MGAT4C: variants seen among roughly 807,000 people sequenced by gnomAD.
MGAT4C encodes the protein alpha-1,3-mannosyl-glycoprotein 4-beta-N-acetylglucosaminyltransferase C.
MGAT4C carries 19 observed loss-of-function variants against 40.1 expected under a neutral mutation model. The observed-to-expected ratio is 0.47, with a 90% CI of 0.33 to 0.70. The LOEUF is 0.70. Ranked by LOEUF, MGAT4C falls within the 30% of genes least tolerant of loss-of-function variation. The pLI, the probability that MGAT4C is intolerant of heterozygous loss-of-function variation, is 0.02. For missense variants in MGAT4C, 491 were observed against 563.2 expected (o/e 0.87, Z 1.30); for synonymous variants, 181 against 187.1 (o/e 0.97, Z 0.27).
intron 2 of MGAT4C, among the ~76,000 whole-genome samples, chr12:86,583,608 T>C (rs568501991): frequency 6.6e-6 from 1 of 151,274 alleles, no homozygotes; most frequent in Admixed American, 6.6e-5. Flanking sequence ...AAAGTTTAAC[T>C]ATTCCTTTAT....
chr12:86,016,985 AGTT>A (rs1889145892), intron 2 of MGAT4C, among the ~76,000 whole-genome samples: 1 of 152,106 alleles, frequency 6.6e-6, no homozygotes, highest in Non-Finnish European at 1.5e-5. Flanking sequence ...TTCAGTCAAA[AGTT>A]GTTGTTCACT....
At chr12:86,359,694 T>G (rs1328387319) in intron 3 of MGAT4C, among the ~76,000 whole-genome samples, 1 of 152,190 alleles carries the variant, frequency 6.6e-6, no homozygotes, top group African/African-American at 2.4e-5. Flanking sequence ...CAGAGAATAC[T>G]ATAAACACGT....
intron 2 of MGAT4C, among the ~76,000 whole-genome samples, chr12:86,047,894 G>T (rs1447036599): frequency 6.6e-6 from 1 of 151,742 alleles, no homozygotes; most frequent in African/African-American, 2.4e-5. Context: ...TCGCCTCAAA[G>T]AATTTTCATA....
upstream of MGAT4C, among the ~76,000 whole-genome samples, chr12:86,260,484 T>A (rs1170308689): frequency 6.6e-6 from 1 of 152,172 alleles, no homozygotes; most frequent in Non-Finnish European, 1.5e-5. Context: ...TTTATCAAAG[T>A]TAACATTGAA....
Position 86,304,127 on chromosome 12 carries a change from T to C in MGAT4C, c.-57+29938A>G, listed in dbSNP as rs1200331967. Among the ~76,000 whole-genome samples, 4 of 150,750 alleles carry C rather than the reference T, an allele frequency of 2.7e-5. 1 individual carries two copies. The East Asian group carries it at 7.8e-4, about 29-fold the overall frequency. Reference sequence around the variant, plus strand: ...TAAATTTCCATTTGAAATGAGAAAGTGGCTTTTCTAGAACTATAATTAATA... The same window carrying C: ...TAAATTTCCATTTGAAATGAGAAAGCGGCTTTTCTAGAACTATAATTAATA... On this transcript the variant is annotated intron_variant, in intron 4 of 7. Transcript: ENST00000548651.
chr12:86,105,263 C>A (rs150901163), intron 1 of MGAT4C, among the ~76,000 whole-genome samples: 70 of 152,086 alleles, frequency 4.6e-4, no homozygotes, highest in African/African-American at 1.7e-3. Flanking sequence ...TTTATAAACT[C>A]TGGGGTGAAG....
chr12:86,574,688 T>C (rs956536946), intron 2 of MGAT4C, among the ~76,000 whole-genome samples: 3 of 151,838 alleles, frequency 2.0e-5, no homozygotes, highest in African/African-American at 7.2e-5. Flanking sequence ...GATTAAAAAT[T>C]ATTCCTCATT....
At chr12:86,020,042 G>C (rs1236886614) in intron 2 of MGAT4C, among the ~76,000 whole-genome samples, 1 of 152,130 alleles carries the variant, frequency 6.6e-6, no homozygotes, top group Non-Finnish European at 1.5e-5. Context: ...CATTGATTTT[G>C]TATCCTGAGA....
intron 2 of MGAT4C, among the ~76,000 whole-genome samples, chr12:86,630,747 G>T (rs1565893906): frequency 1.3e-5 from 2 of 152,064 alleles, no homozygotes; most frequent in South Asian, 4.2e-4. Context: ...TTGATGGATT[G>T]TATCTCAAAA....
chr12:86,244,753 C>T (rs1044706194), intron 1 of MGAT4C, among the ~76,000 whole-genome samples: 1 of 152,124 alleles, frequency 6.6e-6, no homozygotes, highest in African/African-American at 2.4e-5. Flanking sequence ...GAAGAAACCC[C>T]AAACACCACC....
At chr12:86,158,191 T>G (rs1885183909) in intron 1 of MGAT4C, among the ~76,000 whole-genome samples, 1 of 152,154 alleles carries the variant, frequency 6.6e-6, no homozygotes, top group Non-Finnish European at 1.5e-5. Flanking sequence ...TCTGTGAGTT[T>G]CCAGAGCACA....
At chr12:86,155,485 T>A (rs1234763220) in intron 1 of MGAT4C, among the ~76,000 whole-genome samples, 2 of 152,144 alleles carry the variant, frequency 1.3e-5, no homozygotes. Flanking sequence ...AGGACATGAT[T>A]ATGGTAGTCT....
intron 1 of MGAT4C, among the ~76,000 whole-genome samples, chr12:86,121,289 T>C (rs919018694): frequency 6.6e-6 from 1 of 152,020 alleles, no homozygotes; most frequent in Non-Finnish European, 1.5e-5. Flanking sequence ...CTGAAAGTGA[T>C]GGGGAGAATG....
chr12:86,170,142 A>C lies in MGAT4C; in HGVS notation c.-57+86097T>G, dbSNP rs374662650. On this transcript the variant is annotated intron_variant, in intron 1 of 4. Coordinates refer to ENST00000611864, the MANE Select transcript of MGAT4C (RefSeq NM_001351288.2). Reference sequence around the variant, plus strand: ...GACAGTATGATTAGTTGTTGGGCTAAAGGTTTCTTATATGAACAGAGTTTT... The same window carrying C: ...GACAGTATGATTAGTTGTTGGGCTACAGGTTTCTTATATGAACAGAGTTTT... Among the ~76,000 whole-genome samples, 4 of 152,184 alleles carry C rather than the reference A, an allele frequency of 2.6e-5. No homozygotes were observed. The East Asian group carries it at 7.7e-4, about 29-fold the overall frequency.
intron 1 of MGAT4C, among the ~76,000 whole-genome samples, chr12:86,751,105 C>T (rs773887223): frequency 1.3e-5 from 2 of 151,904 alleles, no homozygotes; most frequent in Non-Finnish European, 2.9e-5. Context: ...AGGAGAGGAA[C>T]CAATGGAGGG....
rs1176731449 is a variant in MGAT4C, at chr12:86,586,072, G to T, written c.-229+141137C>A. Among the ~76,000 whole-genome samples, 6 of 146,082 alleles carry T rather than the reference G, an allele frequency of 4.1e-5. No homozygotes were observed. In the East Asian group the frequency reaches 1.3e-3, roughly 31 times the overall value. On this transcript the variant is annotated intron_variant, in intron 2 of 7. Transcript: ENST00000548651. ...CCATTAACTCCTCATTTAGCATTAG[G>T]TATATCTCCTAAAGCTATCCCTCCC...
chr12:86,424,471 A>C (rs181131458), intron 3 of MGAT4C, among the ~76,000 whole-genome samples: 1 of 152,230 alleles, frequency 6.6e-6, no homozygotes, highest in East Asian at 1.9e-4. Flanking sequence ...TAAAAATTAT[A>C]TTTAACTGTT....
chr12:86,242,618 T>C (rs1016710722), intron 1 of MGAT4C, among the ~76,000 whole-genome samples: 1 of 152,156 alleles, frequency 6.6e-6, no homozygotes, highest in African/African-American at 2.4e-5. Context: ...TTTATTTGAT[T>C]GTCCGGGGAA....
Position 85,979,435 on chromosome 12 carries a change from TTAAG to T in MGAT4C, c.1287_1290del (p.Tyr429Ter). The T allele has an allele frequency of 1.2e-6, 2 of 1,613,468 alleles. No individual in the cohort carries two copies. The highest frequency in any genetic ancestry group is 1.7e-6 in the Non-Finnish European group (2 of 1,179,620). ...TTTCCATTTTTGAATTCTCCTAGTCTTAAGTAAGTAGAACATTGTCTCCTTTGTT... is the reference window on the plus strand; with the variant it reads ...TTTCCATTTTTGAATTCTCCTAGTCTTAAGTAGAACATTGTCTCCTTTGTT... On this transcript the variant is annotated frameshift_variant, in exon 5 of 5. Coordinates refer to ENST00000611864, the MANE Select transcript of MGAT4C (RefSeq NM_001351288.2). LOFTEE classifies it high-confidence loss of function.
Sources: allele counts gnomAD v4.1 joint callset (sites outside exome capture counted in the v4.1 genomes callset), GRCh38; gene constraint gnomAD v4.1.1; transcripts MANE v1.5; gene names NCBI Gene and HGNC (gene_info 2026-07-23, HGNC 2026-07-21).